SOCS7: variants seen among roughly 807,000 people sequenced by gnomAD.
SOCS7 encodes the protein NAP-4.
In SOCS7, 18 loss-of-function variants were observed where a neutral mutation model predicts 58.9. The observed-to-expected ratio is 0.31, with a 90% CI of 0.21 to 0.45. SOCS7 has a LOEUF of 0.45. SOCS7 is among the 20% of genes least tolerant of loss of function. The probability of loss-of-function intolerance (pLI) is 1.00; values close to 1 mark genes in which losing one functional copy is unlikely to be tolerated. For synonymous variants in SOCS7, 388 were observed against 364.3 expected, an observed-to-expected ratio of 1.06 and a Z score of -0.74; for missense variants, 667 against 837.3, an observed-to-expected ratio of 0.80 and a Z score of 2.51.
chr17:38,366,498 GT>G, intron 5 of SOCS7, 81 bp downstream of exon 5: 2 of 1,531,016 alleles, frequency 1.3e-6, no homozygotes, highest in Non-Finnish European at 1.8e-6. Context: ...TTATTTATGT[GT>G]TTATTTATTT....
At chr17:38,374,607 G>C (rs2037908516) in intron 6 of SOCS7, among the ~76,000 whole-genome samples, 1 of 152,192 alleles carries the variant, frequency 6.6e-6, no homozygotes, top group Non-Finnish European at 1.5e-5. Context: ...ATCTGTGACA[G>C]AGCCAATCAA....
At chr17:38,391,966 T>C (rs984781826) in intron 7 of SOCS7, among the ~76,000 whole-genome samples, 1 of 152,240 alleles carries the variant, frequency 6.6e-6, no homozygotes. Context: ...AAACGAAAAA[T>C]AGTGCATGGC....
chr17:38,364,923 G>A, intron 3 of SOCS7, 67 bp downstream of exon 3: 1 of 1,239,606 alleles, frequency 8.1e-7, no homozygotes, highest in East Asian at 2.3e-5. Context: ...CTTGTTCTTT[G>A]CTGGGGGCCG....
rs1482906162 is a variant in SOCS7, at chr17:38,401,607, G to A, written c.*2125G>A. On this transcript the variant is annotated 3_prime_UTR_variant, in exon 10 of 10. Coordinates refer to ENST00000612932, the MANE Select transcript of SOCS7 (RefSeq NM_014598.4). Reference sequence around the variant, plus strand: ...CTTTTAGGTGACTGCTGCACATCAAGCAGAAAATCAAGGACTATCTAAAGA... The same window carrying A: ...CTTTTAGGTGACTGCTGCACATCAAACAGAAAATCAAGGACTATCTAAAGA... 4 of 152,146 alleles carry A rather than the reference G, an allele frequency of 2.6e-5. No homozygotes were observed. Among genetic ancestry groups the A allele is most frequent in the African/African-American group, 7.2e-5 (3 of 41,430 alleles). 9.4% of individuals were successfully genotyped at this position (152,146 alleles called of 1,614,324 possible). A position where few individuals can be genotyped will look rare whatever the true frequency, so the allele number is the denominator to read the frequency against.
rs1289572609 is a variant in SOCS7, at chr17:38,352,706, C to G, written c.654C>G (p.Pro218=). ...GGGGGRLLLQ[P]PGPELPPVPF... is the part of the protein sequence containing the mutation. Reference sequence around the variant, plus strand: ...GGGGCGGCCGGCTTCTGCTGCAGCCCCCAGGCCCTGAATTACCTCCGGTGC... The same window carrying G: ...GGGGCGGCCGGCTTCTGCTGCAGCCGCCAGGCCCTGAATTACCTCCGGTGC... Residue 218 remains proline (P), a synonymous_variant, in exon 1 of 10, where the codon CCC becomes CCG. Transcript: ENST00000612932. This position sits in a 1 kb window ranked among gnomAD's most constrained non-coding sequence, Gnocchi z 5.5. The G allele has an allele frequency of 4.5e-6, 7 of 1,550,000 alleles. No individual in the cohort carries two copies. The highest frequency in any genetic ancestry group is 5.2e-6 in the Non-Finnish European group (6 of 1,146,898).
chr17:38,364,675 C>T (rs141073555), intron 2 of SOCS7, 77 bp from the exon 3 acceptor site: 1 of 1,204,346 alleles, frequency 8.3e-7, no homozygotes, highest in East Asian at 2.3e-5. Flanking sequence ...GCCTGCTTGC[C>T]CTTTGCTTCC....
rs529558622 is a variant in SOCS7, at chr17:38,403,989, AAAAG to A, written c.*4515_*4518del. 197 of 152,190 alleles carry A rather than the reference AAAAG, an allele frequency of 1.3e-3. No individual in the cohort carries two copies. The highest frequency in any genetic ancestry group is 4.2e-3 in the African/African-American group (173 of 41,522). 9.4% of individuals were successfully genotyped at this position (152,190 alleles called of 1,614,324 possible). The stretch of plus-strand genomic sequence containing the variant: ...TTATTAAAAAAAGAAAAAGAAAAAA[AAAAG>A]AAAGAAAAGTGTGCCCCCCTCCTAT... On this transcript the variant is annotated 3_prime_UTR_variant, in exon 10 of 10. Transcript: ENST00000612932.
At chr17:38,378,024 A>G (rs1302325219) in intron 7 of SOCS7, among the ~76,000 whole-genome samples, 182 bp downstream of exon 7, 1 of 152,198 alleles carries the variant, frequency 6.6e-6, no homozygotes, top group Non-Finnish European at 1.5e-5. Context: ...CTCTCAGCAT[A>G]CTGAGGAGGA....
chr17:38,393,154 C>T (rs1597713138), intron 7 of SOCS7, among the ~76,000 whole-genome samples: 2 of 152,032 alleles, frequency 1.3e-5, no homozygotes, highest in East Asian at 3.9e-4. Flanking sequence ...GGATTATAGG[C>T]GTGTGCCACT....
At chr17:38,366,785 C>T (rs1350450852) in intron 5 of SOCS7, among the ~76,000 whole-genome samples, 2 of 152,156 alleles carry the variant, frequency 1.3e-5, no homozygotes, top group East Asian at 1.9e-4. Context: ...CGTAAGCCAC[C>T]ACACCCAGCC....
chr17:38,369,372 C>T (rs1361239130), intron 6 of SOCS7, among the ~76,000 whole-genome samples: 2 of 152,172 alleles, frequency 1.3e-5, no homozygotes, highest in Non-Finnish European at 2.9e-5. Context: ...ATGGTTTCCT[C>T]TGTACCCACT....
intron 7 of SOCS7, among the ~76,000 whole-genome samples, chr17:38,382,495 GTT>G (rs1364685500): frequency 1.4e-5 from 2 of 146,580 alleles, no homozygotes; most frequent in African/African-American, 5.0e-5. Context: ...ATTTTTGTTT[GTT>G]TGTTTCAAGA....
At position 38,403,561 on chromosome 17, in the gene SOCS7, C is replaced by T. The variant is rs927528322; in HGVS notation, c.*4079C>T. ...GTGGACAAGACACTGGGATAAAGCT[C>T]TATGGCTGCTGGAAGGAGGTCTGAG... On this transcript the variant is annotated 3_prime_UTR_variant, in exon 10 of 10. Coordinates refer to ENST00000612932, the MANE Select transcript of SOCS7 (RefSeq NM_014598.4). 1 of 152,212 alleles carries T rather than the reference C, an allele frequency of 6.6e-6. No homozygotes were observed. Among genetic ancestry groups the T allele is most frequent in the Non-Finnish European group, 1.5e-5 (1 of 68,086 alleles). The allele number at this position is 152,212 out of a possible 1,614,324, so 9.4% of individuals were successfully genotyped here.
chr17:38,354,811 T>A (rs1054640141), intron 1 of SOCS7, among the ~76,000 whole-genome samples: 4 of 152,214 alleles, frequency 2.6e-5, no homozygotes. Flanking sequence ...CAGGAGTTCG[T>A]CTGAGATTCC....
chr17:38,367,848 T>C (rs758701482), intron 5 of SOCS7, 34 bp from the exon 6 acceptor site: 13 of 1,601,168 alleles, frequency 8.1e-6, no homozygotes, highest in Non-Finnish European at 1.1e-5. Context: ...TTCTCTGTCC[T>C]GATAACTAGT....
chr17:38,386,646 G>C (rs1413480427), intron 7 of SOCS7, among the ~76,000 whole-genome samples: 1 of 152,090 alleles, frequency 6.6e-6, no homozygotes, highest in East Asian at 1.9e-4. Flanking sequence ...AGATGGAATA[G>C]TTTTATAGAG....
intron 6 of SOCS7, among the ~76,000 whole-genome samples, chr17:38,371,184 G>T (rs1195243034): frequency 6.6e-6 from 1 of 152,050 alleles, no homozygotes; most frequent in Admixed American, 6.6e-5. Flanking sequence ...CACGATCTCG[G>T]CTCACTGCAG....
At chr17:38,391,599 CTA>C (rs1315423816) in intron 7 of SOCS7, among the ~76,000 whole-genome samples, 1 of 152,012 alleles carries the variant, frequency 6.6e-6, no homozygotes, top group Non-Finnish European at 1.5e-5. Flanking sequence ...GTCTCCCTCC[CTA>C]TGTTGCCCAG....
chr17:38,401,147 G>C lies in SOCS7; in HGVS notation c.*1665G>C, dbSNP rs1408887997. 4.6e-5 allele frequency: 7 copies of C among 152,158 alleles called. No homozygotes were observed. The highest frequency in any genetic ancestry group is 7.2e-5 in the African/African-American group (3 of 41,432). 9.4% of individuals were successfully genotyped at this position (152,158 alleles called of 1,614,324 possible). ...GGAGTGACCAGTCTTCCTCCTTGTA[G>C]CTGAACAGGGAGGAAACTTGCACCA... On this transcript the variant is annotated 3_prime_UTR_variant, in exon 10 of 10. Coordinates refer to ENST00000612932, the MANE Select transcript of SOCS7 (RefSeq NM_014598.4).
Sources: gnomAD v4.1 joint callset for allele counts (sites outside exome capture counted in the v4.1 genomes callset) on GRCh38, gnomAD v4.1.1 for gene constraint, Gnocchi (gnomAD v3.1) non-coding constraint, MANE v1.5 for transcripts, NCBI Gene and HGNC (gene_info 2026-07-23, HGNC 2026-07-21) for gene names.